The following PRDM1 variants were observed in gnomAD, a reference collection of about 807,000 sequenced individuals.
The protein encoded by PRDM1 is PR domain zinc finger protein 1.
In PRDM1, 13 loss-of-function variants were observed where a neutral mutation model predicts 62.8. The observed-to-expected ratio is 0.21, with a 90% CI of 0.13 to 0.33. The LOEUF (loss-of-function observed/expected upper bound fraction) is 0.33. Ranked by LOEUF, PRDM1 falls within the 10% of genes least tolerant of loss-of-function variation. The pLI, the probability that PRDM1 is intolerant of heterozygous loss-of-function variation, is 1.00. For missense variants in PRDM1, 895 were observed against 1,058.8 expected, an observed-to-expected ratio of 0.85 and a Z score of 2.15; for synonymous variants, 396 against 417.6, an observed-to-expected ratio of 0.95 and a Z score of 0.63.
intron 1 of PRDM1, among the ~76,000 whole-genome samples, chr6:106,058,444 G>C (rs1376935878): frequency 6.6e-6 from 1 of 152,142 alleles, no homozygotes; most frequent in Non-Finnish European, 1.5e-5. Flanking sequence ...ATATCATATT[G>C]AGGGCTTAGG....
intron 1 of PRDM1, among the ~76,000 whole-genome samples, chr6:106,007,134 A>G (rs1772493372): frequency 6.6e-6 from 1 of 151,934 alleles, no homozygotes; most frequent in African/African-American, 2.4e-5. Flanking sequence ...TGGTGAACCC[A>G]AAATTATTTG....
intron 1 of PRDM1, among the ~76,000 whole-genome samples, chr6:106,080,005 C>G (rs1470694397): frequency 6.6e-6 from 1 of 152,174 alleles, no homozygotes; most frequent in Non-Finnish European, 1.5e-5. Context: ...TGATTTTGCT[C>G]CTTTCTTGGA....
chr6:106,057,558 G>A (rs140772469), intron 1 of PRDM1, among the ~76,000 whole-genome samples: 1 of 152,166 alleles, frequency 6.6e-6, no homozygotes, highest in African/African-American at 2.4e-5. Context: ...TGAATTTGTA[G>A]GATAATCTAC....
intron 1 of PRDM1, among the ~76,000 whole-genome samples, chr6:106,036,328 A>T (rs1772925682): frequency 1.3e-5 from 2 of 149,676 alleles, no homozygotes; most frequent in East Asian, 2.1e-4. Context: ...ATGCACTCTA[A>T]CTTAAGTAGA....
chr6:106,098,187 G>A, intron 3 of PRDM1: 1 of 985,180 alleles, frequency 1.0e-6, no homozygotes, highest in Non-Finnish European at 1.2e-6. Context: ...CTGCTGCTTG[G>A]AGACTGCAAG....
At position 106,106,606 on chromosome 6, in the gene PRDM1, C is replaced by T. The variant is rs1395909851; in HGVS notation, c.1902+107C>T. The T allele has an allele frequency of 8.1e-5, 119 of 1,465,282 alleles. No individual in the cohort carries two copies. Among genetic ancestry groups the T allele is most frequent in the Non-Finnish European group, 9.3e-5 (100 of 1,079,180 alleles). 90.8% of individuals were successfully genotyped at this position (1,465,282 alleles called of 1,614,324 possible). On this transcript the variant is annotated intron_variant, in intron 6 of 6. Transcript: ENST00000369096. This position sits in a 1 kb window ranked among gnomAD's most constrained non-coding sequence, Gnocchi z 4.4. ...TAGTTAAAGCCAACACCAGATTCTG[C>T]GTTGTCCCATCCTGGACTGATGGCA...
chr6:106,045,691 G>A (rs1773062754), upstream of PRDM1: 1 of 152,148 alleles, frequency 6.6e-6, no homozygotes, highest in African/African-American at 2.4e-5. Flanking sequence ...TTGCTTTTCT[G>A]TGACTATCAC....
intron 1 of PRDM1, among the ~76,000 whole-genome samples, chr6:106,034,334 A>G (rs1772892134): frequency 6.6e-6 from 1 of 151,666 alleles, no homozygotes; most frequent in African/African-American, 2.4e-5. Context: ...TACTTAAGTT[A>G]TATAGTTAGG....
rs575184930 is a variant in PRDM1 at position 106,095,902 on chromosome 6, G to A, written c.411+168G>A. On this transcript the variant is annotated intron_variant, in intron 3 of 6. Coordinates refer to ENST00000369096, the MANE Select transcript of PRDM1 (RefSeq NM_001198.4). Reference sequence around the variant, plus strand: ...AATTCTGAACAAATGTGATGAAACCGATGAAATGTCTGGCCTGTAGGTGGT... The same window carrying A: ...AATTCTGAACAAATGTGATGAAACCAATGAAATGTCTGGCCTGTAGGTGGT... 5 of 711,880 alleles carry A rather than the reference G, an allele frequency of 7.0e-6. No homozygotes were observed. In the East Asian group the frequency reaches 1.1e-4, roughly 16 times the overall value. The allele number at this position is 711,880 out of a possible 1,614,324, so 44.1% of individuals were successfully genotyped here.
chr6:106,032,452 T>C (rs910630472), intron 1 of PRDM1, among the ~76,000 whole-genome samples: 28 of 152,128 alleles, frequency 1.8e-4, no homozygotes, highest in African/African-American at 5.6e-4. Flanking sequence ...TTTCTTTTTT[T>C]GTTGGAGACA....
chr6:105,995,813 AT>A (rs1394921589), intron 1 of PRDM1, among the ~76,000 whole-genome samples: 1 of 152,196 alleles, frequency 6.6e-6, no homozygotes, highest in African/African-American at 2.4e-5. Flanking sequence ...ACAAACTCTG[AT>A]CCAAAATAAT....
At chr6:106,056,315 A>G (rs1280407422) in intron 1 of PRDM1, among the ~76,000 whole-genome samples, 1 of 152,190 alleles carries the variant, frequency 6.6e-6, no homozygotes, top group Non-Finnish European at 1.5e-5. Flanking sequence ...GGATAAGGAC[A>G]GTTTCTGGCC....
intron 1 of PRDM1, among the ~76,000 whole-genome samples, chr6:106,063,365 A>C (rs1247878594): frequency 6.6e-6 from 1 of 152,066 alleles, no homozygotes; most frequent in Non-Finnish European, 1.5e-5. Flanking sequence ...AATGTCTCAC[A>C]CCCCTCCTCC....
chr6:106,074,668 C>T (rs758802629), intron 1 of PRDM1, among the ~76,000 whole-genome samples: 33 of 151,634 alleles, frequency 2.2e-4, no homozygotes, highest in African/African-American at 6.5e-4. Context: ...GGTTGGGGGA[C>T]GAGGGGGGAT....
intron 1 of PRDM1, among the ~76,000 whole-genome samples, chr6:106,029,848 G>C (rs1772817777): frequency 1.3e-5 from 2 of 151,894 alleles, no homozygotes; most frequent in African/African-American, 4.8e-5. Context: ...CGAACCCCTG[G>C]GCTCAAGCAA....
intron 1 of PRDM1, among the ~76,000 whole-genome samples, chr6:106,074,211 G>A (rs1411201622): frequency 6.6e-6 from 1 of 152,176 alleles, no homozygotes; most frequent in Non-Finnish European, 1.5e-5. Flanking sequence ...TTTTGTTATT[G>A]CAGATGAAAT....
At chr6:106,092,150 A>C (rs1225632560) in intron 2 of PRDM1, among the ~76,000 whole-genome samples, 1 of 150,170 alleles carries the variant, frequency 6.7e-6, no homozygotes. Context: ...AAAAAAAACA[A>C]ACCTATATTG....
chr6:106,019,553 A>G (rs1300932649), intron 1 of PRDM1, among the ~76,000 whole-genome samples: 1 of 151,700 alleles, frequency 6.6e-6, no homozygotes, highest in Non-Finnish European at 1.5e-5. Flanking sequence ...GTAGATGTGA[A>G]TATTTTCTAT....
rs532037693 is a variant in PRDM1, at chr6:106,088,164, G to A, written c.43-37G>A. 1.6e-4 allele frequency: 252 copies of A among 1,552,410 alleles called. No individual in the cohort carries two copies. In the African/African-American group the frequency reaches 2.9e-3, roughly 18 times the overall value. ...TCAGAAGGAGCCACAGGAACGGCGGGACAATGGGGATTAAAGGCCTTTCCT... is the reference window on the plus strand; with the variant it reads ...TCAGAAGGAGCCACAGGAACGGCGGAACAATGGGGATTAAAGGCCTTTCCT... On this transcript the variant is annotated intron_variant, in intron 1 of 6. Coordinates refer to ENST00000369096, the MANE Select transcript of PRDM1 (RefSeq NM_001198.4).
Sources: allele counts gnomAD v4.1 joint callset (sites outside exome capture counted in the v4.1 genomes callset), GRCh38; gene constraint gnomAD v4.1.1; non-coding constraint Gnocchi (gnomAD v3.1); transcripts MANE v1.5; gene names NCBI Gene and HGNC (gene_info 2026-07-23, HGNC 2026-07-21).